SSH1: variants seen among roughly 807,000 people sequenced by gnomAD.
The protein encoded by SSH1 is slingshot protein phosphatase 1.
A neutral mutation model predicts 79.7 loss-of-function variants in SSH1; 43 were observed. That is an observed-to-expected ratio of 0.54 (90% confidence interval 0.42 to 0.70). The LOEUF (loss-of-function observed/expected upper bound fraction) is 0.70. Ranked by LOEUF, SSH1 falls within the 30% of genes least tolerant of loss-of-function variation. The pLI is 0.00. For synonymous variants in SSH1, 599 were observed against 538.3 expected (o/e 1.11, Z -1.56); for missense variants, 1,206 against 1,358.8 (o/e 0.89, Z 1.77).
chr12:108,808,821 C>CTTTTTTTTT (rs148110288), intron 7 of SSH1, among the ~76,000 whole-genome samples: 46 of 80,284 alleles, frequency 5.7e-4, no homozygotes, highest in Non-Finnish European at 6.8e-4. Context: ...TCTTTTACTT[C>CTTTTTTTTT]TTTTTTTTTT....
At chr12:108,815,981 C>T (rs977567550) in intron 5 of SSH1, among the ~76,000 whole-genome samples, 8 of 152,198 alleles carry the variant, frequency 5.3e-5, no homozygotes, top group African/African-American at 1.7e-4. Flanking sequence ...GTGACACTCA[C>T]GGCCTCCCTG....
At chr12:108,853,922 C>CAAA (rs113813284) in intron 1 of SSH1, among the ~76,000 whole-genome samples, 1 of 107,620 alleles carries the variant, frequency 9.3e-6, no homozygotes, top group Middle Eastern at 5.5e-3. Flanking sequence ...TACTTCGTTT[C>CAAA]AAAAAAAAAA....
At chr12:108,834,336 C>T (rs1408783550) in intron 2 of SSH1, 2 of 152,334 alleles carry the variant, frequency 1.3e-5, no homozygotes, top group Non-Finnish European at 2.9e-5. Flanking sequence ...CTCCAGGAAG[C>T]TTTCTCTTGT....
intron 2 of SSH1, 115 bp downstream of exon 2, chr12:108,852,523 C>G (rs949564698): frequency 7.3e-7 from 1 of 1,361,590 alleles, no homozygotes; most frequent in Non-Finnish European, 1.0e-6. Context: ...ACCCACCGCA[C>G]CCAGCCCAAA....
intron 6 of SSH1, among the ~76,000 whole-genome samples, chr12:108,810,800 T>C (rs1218567938): frequency 6.6e-6 from 1 of 152,208 alleles, no homozygotes; most frequent in African/African-American, 2.4e-5. Flanking sequence ...TGGAACTGGT[T>C]CATTCCTCCT....
At chr12:108,841,066 A>T (rs1049904612) in intron 2 of SSH1, among the ~76,000 whole-genome samples, 2 of 152,230 alleles carry the variant, frequency 1.3e-5, no homozygotes, top group African/African-American at 4.8e-5. Context: ...GCCATCACCT[A>T]ATCTTGTCTT....
intron 3 of SSH1, among the ~76,000 whole-genome samples, chr12:108,819,388 G>A (rs529378805): frequency 8.5e-5 from 13 of 152,332 alleles, no homozygotes; most frequent in South Asian, 4.1e-4. Flanking sequence ...CAGAAGAAGC[G>A]CACACTTTCA....
intron 5 of SSH1, among the ~76,000 whole-genome samples, chr12:108,812,801 A>G (rs928523496): frequency 1.7e-4 from 26 of 152,060 alleles, no homozygotes; most frequent in African/African-American, 6.3e-4. Flanking sequence ...CAGCAGTCCT[A>G]CAATGATTAA....
At position 108,798,977 on chromosome 12, in the gene SSH1, C is replaced by G. The variant is rs751415738; in HGVS notation, c.1349+23G>C. 9 of 1,609,784 alleles carry G rather than the reference C, an allele frequency of 5.6e-6. 1 individual carries two copies. The South Asian group carries it at 9.9e-5, about 18-fold the overall frequency. On this transcript the variant is annotated intron_variant, in intron 13 of 14. Transcript: ENST00000326495. ...GCTGCTCCAGCTCCGCCTGCCAACC[C>G]TTCTCTCCAGGCAGGCACCCACCTT...
intron 2 of SSH1, among the ~76,000 whole-genome samples, chr12:108,839,626 C>A (rs1208508569): frequency 6.6e-6 from 1 of 152,132 alleles, no homozygotes; most frequent in Non-Finnish European, 1.5e-5. Flanking sequence ...GGACCTTGAA[C>A]AGCCTTCTCT....
chr12:108,818,454 C>G, intron 3 of SSH1, 141 bp from the exon 4 acceptor site: 1 of 701,856 alleles, frequency 1.4e-6, no homozygotes, highest in Non-Finnish European at 2.5e-6. Context: ...AGAATCACCA[C>G]AAAAACTTCA....
intron 12 of SSH1, among the ~76,000 whole-genome samples, chr12:108,800,064 C>T (rs2036922498): frequency 6.6e-6 from 1 of 152,164 alleles, no homozygotes; most frequent in African/African-American, 2.4e-5. Flanking sequence ...TTGAGTTTGT[C>T]TCCTGGGAAT....
chr12:108,805,316 T>C (rs1439810716), intron 9 of SSH1, 132 bp from the exon 10 acceptor site: 7 of 918,694 alleles, frequency 7.6e-6, no homozygotes, highest in African/African-American at 1.6e-5. Context: ...TTCAGAGTAA[T>C]ACATTTAGAT....
rs1253490140 is a variant in SSH1, at chr12:108,792,498, A to G, written c.1681T>C (p.Ser561Pro). The change falls in exon 14 of 15, where the codon TCC (serine) becomes CCC (proline). Residue 561 changes from serine to proline, a missense_variant. Physicochemically the swap from Ser to Pro is moderately conservative, Grantham distance 74. Transcript: ENST00000326495. ...TTCACATCCTTCTCACAGAGTCCGG[A>G]ACCTTGCTGGGGCTGTCTGGCCGGC... The part of the protein sequence containing the change: ...HRPARQPQQG[S>P]GLCEKDVKKK... The G allele has an allele frequency of 6.2e-7, 1 of 1,614,156 alleles. No homozygotes were observed. Among genetic ancestry groups the G allele is most frequent in the Admixed American group, 1.7e-5 (1 of 60,016 alleles).
chr12:108,824,583 A>G (rs1295647931), intron 2 of SSH1, among the ~76,000 whole-genome samples: 1 of 152,228 alleles, frequency 6.6e-6, no homozygotes, highest in African/African-American at 2.4e-5. Context: ...TGAATTTCTC[A>G]GCAGAATGAA....
intron 3 of SSH1, among the ~76,000 whole-genome samples, chr12:108,820,737 T>C (rs1448628753): frequency 6.6e-6 from 1 of 152,146 alleles, no homozygotes; most frequent in Admixed American, 6.5e-5. Context: ...CTCTGCACAG[T>C]GGTTACTGGG....
chr12:108,814,198 T>C (rs963481325), intron 5 of SSH1, among the ~76,000 whole-genome samples: 1 of 152,172 alleles, frequency 6.6e-6, no homozygotes, highest in Admixed American at 6.5e-5. Flanking sequence ...CACTCCAGCC[T>C]GGGTGATAGA....
intron 14 of SSH1, among the ~76,000 whole-genome samples, chr12:108,789,730 A>G (rs1195906929): frequency 6.6e-6 from 1 of 152,170 alleles, no homozygotes; most frequent in African/African-American, 2.4e-5. Flanking sequence ...TTGACCAGCC[A>G]GAGAGAGCAG....
chr12:108,788,104 A>G lies in SSH1; in HGVS notation c.3034T>C (p.Ser1012Pro). 1 of 1,613,996 alleles carries G rather than the reference A, an allele frequency of 6.2e-7. No homozygotes were observed. Among genetic ancestry groups the G allele is most frequent in the East Asian group, 2.2e-5 (1 of 44,860 alleles). ...ADSQDTTLSE[S>P]SFLHEPQGTP... ...CCCTGGGGCTCATGCAAGAAGGAAG[A>G]TTCACTCAAAGTGGTGTCCTGGGAG... The change falls in exon 15 of 15, where the codon TCT (serine) becomes CCT (proline). Residue 1012 changes from serine (S) to proline (P), a missense_variant. Transcript: ENST00000326495.
Sources: gnomAD v4.1 joint callset for allele counts (sites outside exome capture counted in the v4.1 genomes callset) on GRCh38, gnomAD v4.1.1 for gene constraint, MANE v1.5 for transcripts, NCBI Gene and HGNC (gene_info 2026-07-23, HGNC 2026-07-21) for gene names.